Variants in IL1RAPL2 observed in about 807,000 individuals in gnomAD.
The protein encoded by IL1RAPL2 is X-linked interleukin-1 receptor accessory protein-like 2.
Under a neutral mutation model 44.1 loss-of-function variants are expected in IL1RAPL2, and 3 were observed. The ratio of observed to expected loss-of-function variants is 0.07; its 90% CI spans 0.03 to 0.18. The LOEUF (loss-of-function observed/expected upper bound fraction) is 0.18, where lower values mean the gene tolerates loss of function less well. Among genes scored for constraint, IL1RAPL2 ranks in the 10% least tolerant of loss-of-function variants. The pLI, the probability that IL1RAPL2 is intolerant of heterozygous loss-of-function variation, is 1.00. For synonymous variants in IL1RAPL2, 181 were observed against 178.8 expected (o/e 1.01, Z -0.10); for missense variants, 391 against 496.4 (o/e 0.79, Z 2.02).
At chrX:104,677,032 T>G (rs943321410) in intron 2 of IL1RAPL2, among the ~76,000 whole-genome samples, 1 of 111,472 alleles carries the variant, frequency 9.0e-6, no homozygotes, top group Non-Finnish European at 1.9e-5. Context: ...CTTCTTTGCC[T>G]TTGGTTTGAA....
At chrX:104,657,955 AG>A (rs1177733478) in intron 1 of IL1RAPL2, among the ~76,000 whole-genome samples, 3 of 112,428 alleles carry the variant, frequency 2.7e-5, no homozygotes, top group African/African-American at 9.7e-5. Flanking sequence ...TTCATTAAAA[AG>A]TTAGGAAACA....
intron 2 of IL1RAPL2, among the ~76,000 whole-genome samples, chrX:104,709,900 A>G (rs1931427555): frequency 9.0e-6 from 1 of 110,931 alleles, no homozygotes; most frequent in Admixed American, 9.7e-5. Flanking sequence ...GATGCTCAAC[A>G]TCATTAATCA....
intron 2 of IL1RAPL2, among the ~76,000 whole-genome samples, chrX:105,046,620 A>C (rs771800212): frequency 1.8e-5 from 2 of 110,989 alleles, no homozygotes; most frequent in East Asian, 5.7e-4. Context: ...AATAAACTAC[A>C]CTTGACTTCC....
Position 105,062,223 on chromosome X carries a change from A to G in IL1RAPL2, c.83-133252A>G, listed in dbSNP as rs182813316. On this transcript the variant is annotated intron_variant, in intron 2 of 10. Coordinates refer to ENST00000372582, the MANE Select transcript of IL1RAPL2 (RefSeq NM_017416.2). ...ATATTTTTTTATTTGAGGCTACCAT[A>G]AGACTTGCAAATACAATCTAATAGC... 3.7e-3 allele frequency among the ~76,000 whole-genome samples: 417 copies of G among 111,595 alleles called. 1 individual carries two copies. Among genetic ancestry groups the G allele is most frequent in the African/African-American group, 0.013 (402 of 30,780 alleles).
intron 2 of IL1RAPL2, among the ~76,000 whole-genome samples, chrX:105,107,949 T>A (rs1198838827): frequency 9.0e-6 from 1 of 111,585 alleles, no homozygotes; most frequent in Non-Finnish European, 1.9e-5. Context: ...CACACTATCC[T>A]GATATACTTT....
At chrX:105,075,216 A>C (rs1278696598) in intron 2 of IL1RAPL2, among the ~76,000 whole-genome samples, 1 of 111,729 alleles carries the variant, frequency 9.0e-6, no homozygotes, top group Admixed American at 9.5e-5. Flanking sequence ...GATATGTTCC[A>C]TCAATACCTA....
rs368777486 is a variant in IL1RAPL2 at position 105,378,640 on chromosome X, G to A, written c.698-105673G>A. Among the ~76,000 whole-genome samples, 3 of 111,571 alleles carry A rather than the reference G, an allele frequency of 2.7e-5. No homozygotes were observed. The South Asian group carries it at 1.1e-3, about 41-fold the overall frequency. On this transcript the variant is annotated intron_variant, in intron 5 of 10. Transcript: ENST00000372582. ...TGCAGTTAAGATGAAAGCAGGGATT[G>A]AGAAAAAAATGTTTTTTCTGAAACA...
chrX:104,826,286 A>G (rs1174169826), intron 2 of IL1RAPL2, among the ~76,000 whole-genome samples: 1 of 111,631 alleles, frequency 9.0e-6, no homozygotes, highest in Non-Finnish European at 1.9e-5. Flanking sequence ...TACTTTAGCT[A>G]TGTCCCAAAG....
chrX:105,585,393 G>A (rs1205876879), intron 6 of IL1RAPL2, among the ~76,000 whole-genome samples: 1 of 108,947 alleles, frequency 9.2e-6, no homozygotes, highest in Non-Finnish European at 1.9e-5. Context: ...TGGACTACAT[G>A]TGCAGGATGT....
intron 2 of IL1RAPL2, among the ~76,000 whole-genome samples, chrX:104,753,243 A>G (rs959858666): frequency 9.1e-6 from 1 of 109,691 alleles, no homozygotes; most frequent in Non-Finnish European, 1.9e-5. Flanking sequence ...CCTCTGAGAC[A>G]TTTCAACATA....
intron 4 of IL1RAPL2, among the ~76,000 whole-genome samples, chrX:105,261,030 G>C (rs1292798): frequency 0.14 from 16,040 of 111,380 alleles, 2,156 homozygotes; most frequent in African/African-American, 0.43. Context: ...GAAAGCCCAA[G>C]TATATAAGAC....
chrX:104,846,055 T>C (rs181445462), intron 2 of IL1RAPL2, among the ~76,000 whole-genome samples: 1 of 112,016 alleles, frequency 8.9e-6, no homozygotes, highest in East Asian at 2.8e-4. Context: ...ATATTTGTTA[T>C]TATCTCAAAG....
intron 6 of IL1RAPL2, among the ~76,000 whole-genome samples, chrX:105,518,860 G>A (rs2036534853): frequency 9.0e-6 from 1 of 111,608 alleles, no homozygotes; most frequent in East Asian, 2.8e-4. Context: ...ATTCTTGAAT[G>A]GGAGAGAAAG....
chrX:105,240,747 TCAGA>T (rs782327080), intron 4 of IL1RAPL2, among the ~76,000 whole-genome samples: 46 of 112,395 alleles, frequency 4.1e-4, no homozygotes, highest in African/African-American at 1.2e-3. Flanking sequence ...TATCATATAC[TCAGA>T]CAGTAGAATT....
At chrX:105,580,400 A>G (rs1466273248) in intron 6 of IL1RAPL2, among the ~76,000 whole-genome samples, 2 of 93,045 alleles carry the variant, frequency 2.1e-5, no homozygotes, top group East Asian at 6.6e-4. Flanking sequence ...GGTGAAGGCC[A>G]CTTCCTTTGT....
chrX:104,900,080 A>G (rs1413197063), intron 2 of IL1RAPL2, among the ~76,000 whole-genome samples: 1 of 111,846 alleles, frequency 8.9e-6, no homozygotes, highest in Non-Finnish European at 1.9e-5. Flanking sequence ...TCCTCAAGTG[A>G]TAAGACACAG....
intron 4 of IL1RAPL2, among the ~76,000 whole-genome samples, chrX:105,264,641 A>G (rs1315296146): frequency 8.9e-6 from 1 of 111,939 alleles, no homozygotes; most frequent in Non-Finnish European, 1.9e-5. Flanking sequence ...TCTGTGTTGT[A>G]TGACCACTCC....
intron 2 of IL1RAPL2, among the ~76,000 whole-genome samples, chrX:105,042,022 A>T (rs2031751882): frequency 9.0e-6 from 1 of 111,170 alleles, no homozygotes; most frequent in Non-Finnish European, 1.9e-5. Flanking sequence ...CTGGCTAGCC[A>T]TATGTAGAAA....
chrX:105,150,001 A>G (rs942436232), intron 2 of IL1RAPL2, among the ~76,000 whole-genome samples: 1 of 110,746 alleles, frequency 9.0e-6, no homozygotes, highest in Non-Finnish European at 1.9e-5. Flanking sequence ...TCGTCAGTTA[A>G]CACAAGTTCC....
Sources: gnomAD v4.1 joint callset for allele counts (sites outside exome capture counted in the v4.1 genomes callset) on GRCh38, gnomAD v4.1.1 for gene constraint, MANE v1.5 for transcripts, NCBI Gene and HGNC (gene_info 2026-07-23, HGNC 2026-07-21) for gene names.